The following DCDC1 variants were observed in gnomAD, a reference collection of about 807,000 sequenced individuals.
The protein encoded by DCDC1 is doublecortin domain-containing protein 1.
DCDC1 carries 200 observed loss-of-function variants against 178.3 expected under a neutral mutation model. The observed-to-expected ratio is 1.12, with a 90% CI of 1.00 to 1.26. DCDC1 has a LOEUF of 1.26. DCDC1 is among the 50% of genes most tolerant of loss of function. DCDC1 has a pLI of 0.00. For missense variants in DCDC1, 1,983 were observed against 1,749.2 expected, an observed-to-expected ratio of 1.13 and a Z score of -2.38; for synonymous variants, 690 against 604.8, an observed-to-expected ratio of 1.14 and a Z score of -2.07.
At chr11:31,093,741 C>A (rs536144191) in intron 16 of DCDC1, among the ~76,000 whole-genome samples, 1 of 152,286 alleles carries the variant, frequency 6.6e-6, no homozygotes, top group Non-Finnish European at 1.5e-5. Flanking sequence ...AGTAGAAGCA[C>A]ATTCAGACAA....
At chr11:31,214,810 C>A (rs1358440235) in intron 9 of DCDC1, among the ~76,000 whole-genome samples, 1 of 151,896 alleles carries the variant, frequency 6.6e-6, no homozygotes, top group Non-Finnish European at 1.5e-5. Context: ...TTCTATAATA[C>A]AGATAAATTT....
Position 30,863,954 on chromosome 11 carries a change from C to T in DCDC1, c.*1419G>A, listed in dbSNP as rs1431224767. 1 of 152,054 alleles carries T rather than the reference C, an allele frequency of 6.6e-6. No homozygotes were observed. Among genetic ancestry groups the T allele is most frequent in the African/African-American group, 2.4e-5 (1 of 41,384 alleles). 9.4% of individuals were successfully genotyped at this position (152,054 alleles called of 1,614,324 possible). A position where few individuals can be genotyped will look rare whatever the true frequency, so the allele number is the denominator to read the frequency against. On this transcript the variant is annotated 3_prime_UTR_variant, in exon 39 of 39. Coordinates refer to ENST00000684477, the MANE Select transcript of DCDC1 (RefSeq NM_001387274.1). ...CCAGCTTGACCAACAAGGTGAAACC[C>T]CATCTCTACTAAAAATACAAAAGTT...
At chr11:30,909,229 A>G (rs1945279399) in intron 28 of DCDC1, 113 bp from the exon 29 acceptor site, 1 of 785,344 alleles carries the variant, frequency 1.3e-6, no homozygotes, top group African/African-American at 1.8e-5. Context: ...ATCCCACCAC[A>G]CAGTGACAAC....
intron 3 of DCDC1, among the ~76,000 whole-genome samples, chr11:31,311,436 A>G (rs953507523): frequency 8.5e-5 from 13 of 152,246 alleles, no homozygotes; most frequent in Admixed American, 7.2e-4. Context: ...ATTGATTTTT[A>G]AAGTATTCAC....
intron 9 of DCDC1, among the ~76,000 whole-genome samples, chr11:31,190,048 T>C (rs1969963394): frequency 6.6e-6 from 1 of 152,150 alleles, no homozygotes; most frequent in Non-Finnish European, 1.5e-5. Context: ...TACAAAATGG[T>C]TGGAAATATT....
At position 31,323,720 on chromosome 11, in the gene DCDC1, T is replaced by C. The variant is rs371158856; in HGVS notation, c.164+4397A>G. Reference sequence around the variant, plus strand: ...CTATAAACACAAAGGGAAATGACCATAAGTATGTTCAATAATGAATCATCA... The same window carrying C: ...CTATAAACACAAAGGGAAATGACCACAAGTATGTTCAATAATGAATCATCA... On this transcript the variant is annotated intron_variant, in intron 3 of 38. Transcript: ENST00000684477. 1.1e-4 allele frequency among the ~76,000 whole-genome samples: 16 copies of C among 152,188 alleles called. No individual in the cohort carries two copies. The East Asian group carries it at 2.9e-3, about 28-fold the overall frequency.
chr11:31,067,962 G>A (rs1176624071), intron 18 of DCDC1, among the ~76,000 whole-genome samples: 1 of 152,052 alleles, frequency 6.6e-6, no homozygotes, highest in African/African-American at 2.4e-5. Flanking sequence ...TGCAAAAATC[G>A]TGAATATACT....
chr11:31,233,036 C>T lies in DCDC1; in HGVS notation c.1221+8414G>A, dbSNP rs111902022. 2.5e-3 allele frequency among the ~76,000 whole-genome samples: 377 copies of T among 150,900 alleles called. 1 individual carries two copies. The highest frequency in any genetic ancestry group is 0.01 in the Middle Eastern group (3 of 292). Reference sequence around the variant, plus strand: ...CTGGGAGGTGGAGGTTGCAGTGAGCCAAGTTCGTGCCACTGCACTCCAGCC... The same window carrying T: ...CTGGGAGGTGGAGGTTGCAGTGAGCTAAGTTCGTGCCACTGCACTCCAGCC... On this transcript the variant is annotated intron_variant, in intron 9 of 38. Coordinates refer to ENST00000684477, the MANE Select transcript of DCDC1 (RefSeq NM_001387274.1).
At chr11:31,216,876 T>G (rs1036115022) in intron 9 of DCDC1, among the ~76,000 whole-genome samples, 1 of 152,130 alleles carries the variant, frequency 6.6e-6, no homozygotes, top group Non-Finnish European at 1.5e-5. Context: ...ATAGCCAGAG[T>G]AGTCTACAAA....
At chr11:30,886,764 T>C (rs1415847099) in intron 36 of DCDC1, among the ~76,000 whole-genome samples, 3 of 152,116 alleles carry the variant, frequency 2.0e-5, no homozygotes, top group African/African-American at 7.2e-5. Context: ...ATTTTTTTTT[T>C]TCTACTCCAA....
At chr11:31,265,294 C>T (rs1416788803) in intron 8 of DCDC1, among the ~76,000 whole-genome samples, 2 of 151,976 alleles carry the variant, frequency 1.3e-5, no homozygotes, top group South Asian at 4.1e-4. Context: ...AAATACCCAT[C>T]AATTTTTTAA....
At chr11:31,192,917 A>G (rs1970285336) in intron 9 of DCDC1, among the ~76,000 whole-genome samples, 1 of 152,102 alleles carries the variant, frequency 6.6e-6, no homozygotes, top group Non-Finnish European at 1.5e-5. Context: ...GAGGTCCTGG[A>G]TAGAACAAAA....
intron 10 of DCDC1, among the ~76,000 whole-genome samples, chr11:31,133,339 T>C (rs1163475083): frequency 6.6e-6 from 1 of 152,200 alleles, no homozygotes; most frequent in African/African-American, 2.4e-5. Context: ...CATCTAGGCA[T>C]GTAACACACG....
intron 9 of DCDC1, among the ~76,000 whole-genome samples, chr11:31,220,138 TTTTA>T (rs1249807522): frequency 1.3e-5 from 2 of 152,320 alleles, no homozygotes; most frequent in East Asian, 1.9e-4. Flanking sequence ...GTGAAGATAA[TTTTA>T]TTTCTTTGAC....
At chr11:31,302,491 A>G (rs1948179133) in intron 6 of DCDC1, among the ~76,000 whole-genome samples, 1 of 152,172 alleles carries the variant, frequency 6.6e-6, no homozygotes, top group African/African-American at 2.4e-5. Context: ...GAAGTATAAT[A>G]CCTAATAAGG....
At chr11:31,322,422 G>C (rs1041367176) in intron 3 of DCDC1, among the ~76,000 whole-genome samples, 4 of 152,132 alleles carry the variant, frequency 2.6e-5, no homozygotes, top group African/African-American at 4.8e-5. Flanking sequence ...TCCATGGAAA[G>C]TATCCTACGA....
At chr11:31,211,209 A>AGAAAGG (rs1972493593) in intron 9 of DCDC1, among the ~76,000 whole-genome samples, 1 of 152,186 alleles carries the variant, frequency 6.6e-6, no homozygotes, top group Non-Finnish European at 1.5e-5. Context: ...TTCTCACACT[A>AGAAAGG]CATTATTCAA....
intron 9 of DCDC1, among the ~76,000 whole-genome samples, chr11:31,212,733 AGGAAATATCTG>A (rs796584831): frequency 1.3e-4 from 20 of 152,342 alleles, no homozygotes; most frequent in African/African-American, 4.6e-4. Context: ...TTTAGCTATT[AGGAAATATCTG>A]GGGAAAAAAT....
Position 30,982,665 on chromosome 11 carries a change from A to C in DCDC1, c.2592-30097T>G, listed in dbSNP as rs192263808. 2.0e-5 allele frequency among the ~76,000 whole-genome samples: 3 copies of C among 152,290 alleles called. No individual in the cohort carries two copies. In the East Asian group the frequency reaches 5.8e-4, roughly 29 times the overall value. Reference sequence around the variant, plus strand: ...TAATTAATCTGCAATTTTTCACATTAGATCGTATATCTCTAAAGAGTGCCC... The same window carrying C: ...TAATTAATCTGCAATTTTTCACATTCGATCGTATATCTCTAAAGAGTGCCC... On this transcript the variant is annotated intron_variant, in intron 20 of 38. Transcript: ENST00000684477.
Sources: allele counts gnomAD v4.1 joint callset (sites outside exome capture counted in the v4.1 genomes callset), GRCh38; gene constraint gnomAD v4.1.1; transcripts MANE v1.5; gene names NCBI Gene and HGNC (gene_info 2026-07-23, HGNC 2026-07-21).